Variants in DCAF8L2 observed in about 807,000 individuals in gnomAD.
The protein encoded by DCAF8L2 is DDB1- and CUL4-associated factor 8-like protein 2.
For missense variants in DCAF8L2, 430 were observed against 490.7 expected, an observed-to-expected ratio of 0.88 and a Z score of 1.17; for synonymous variants, 200 against 190.9, an observed-to-expected ratio of 1.05 and a Z score of -0.39.
At chrX:27,731,071 A>C (rs2147317672) in intron 4 of DCAF8L2, among the ~76,000 whole-genome samples, 1 of 110,976 alleles carries the variant, frequency 9.0e-6, no homozygotes, top group Non-Finnish European at 1.9e-5. Flanking sequence ...TAATAAAAAT[A>C]CTGTGGGCTG....
At chrX:27,629,360 T>C (rs1049470860) in intron 1 of DCAF8L2, among the ~76,000 whole-genome samples, 1 of 112,112 alleles carries the variant, frequency 8.9e-6, no homozygotes, top group Non-Finnish European at 1.9e-5. Flanking sequence ...TCAGTATTTC[T>C]TTTTAAGCTG....
At chrX:27,511,804 T>C in the DCAF8L2 span, among the ~76,000 whole-genome samples, 1 of 112,147 alleles carries the variant, frequency 8.9e-6, no homozygotes, top group Non-Finnish European at 1.9e-5. Flanking sequence ...TAAAAACTAT[T>C]TGCCAACTGT....
At chrX:27,611,182 C>T (rs1380783885) in intron 1 of DCAF8L2, among the ~76,000 whole-genome samples, 1 of 111,029 alleles carries the variant, frequency 9.0e-6, no homozygotes. Flanking sequence ...AGTACAGGTA[C>T]ACTACGGGGA....
rs758343080 is a variant in DCAF8L2 at position 27,659,497 on chromosome X, A to G, written c.-219-18339A>G. Among the ~76,000 whole-genome samples the G allele has an allele frequency of 3.6e-5, 4 of 111,762 alleles. No homozygotes were observed. The South Asian group carries it at 1.1e-3, about 32-fold the overall frequency. On this transcript the variant is annotated intron_variant, in intron 2 of 4. Coordinates refer to ENST00000451261, the MANE Select transcript of DCAF8L2 (RefSeq NM_001353450.2). The stretch of plus-strand genomic sequence containing the variant: ...CCTCCTATAGAATGGATTTTCACAT[A>G]TATGAGAGAGGGAAACTCGCTTATG...
At chrX:27,720,727 C>T (rs1046382538) in intron 4 of DCAF8L2, among the ~76,000 whole-genome samples, 18 of 111,652 alleles carry the variant, frequency 1.6e-4, no homozygotes, top group South Asian at 7.4e-4. Flanking sequence ...TTGACTAAGA[C>T]TCCATTAAAT....
Position 27,731,542 on chromosome X carries a change from C to A in DCAF8L2, c.-58-15296C>A, listed in dbSNP as rs193096774. Among the ~76,000 whole-genome samples, 6 of 111,508 alleles carry A rather than the reference C, an allele frequency of 5.4e-5. No homozygotes were observed. In the East Asian group the frequency reaches 1.7e-3, roughly 32 times the overall value. On this transcript the variant is annotated intron_variant, in intron 4 of 4. Coordinates refer to ENST00000451261, the MANE Select transcript of DCAF8L2 (RefSeq NM_001353450.2). ...TCTTCCTGAATATATCCTCATATGG[C>A]AGAAAGAGAGAAATATCCTTGGTCT...
At chrX:27,605,365 T>C (rs1432332786) in intron 1 of DCAF8L2, among the ~76,000 whole-genome samples, 1 of 111,696 alleles carries the variant, frequency 9.0e-6, no homozygotes, top group Non-Finnish European at 1.9e-5. Flanking sequence ...AGGCACTAAA[T>C]TGAAGAAACT....
At chrX:27,495,173 A>G in the DCAF8L2 span, among the ~76,000 whole-genome samples, 1 of 111,929 alleles carries the variant, frequency 8.9e-6, no homozygotes, top group Non-Finnish European at 1.9e-5. Flanking sequence ...TTAACATTCT[A>G]TATTGAATTG....
At chrX:27,587,472 G>C (rs1242969752), upstream of DCAF8L2, among the ~76,000 whole-genome samples, 1 of 111,230 alleles carries the variant, frequency 9.0e-6, no homozygotes, top group Non-Finnish European at 1.9e-5. Context: ...TGTATCTCTT[G>C]GTATTTTTCT....
chrX:27,557,585 G>A, the DCAF8L2 span, among the ~76,000 whole-genome samples: 1 of 111,480 alleles, frequency 9.0e-6, no homozygotes, highest in Non-Finnish European at 1.9e-5. Flanking sequence ...GGAAGAAATT[G>A]AATTGTGATG....
intron 1 of DCAF8L2, among the ~76,000 whole-genome samples, chrX:27,611,670 A>C (rs1426628784): frequency 9.3e-6 from 1 of 107,122 alleles, no homozygotes; most frequent in Non-Finnish European, 1.9e-5. Flanking sequence ...TTCAATTCTC[A>C]CCTGTGAGTG....
the DCAF8L2 span, among the ~76,000 whole-genome samples, chrX:27,548,946 T>C: frequency 0.028 from 3,127 of 111,624 alleles, 110 homozygotes; most frequent in African/African-American, 0.095. Flanking sequence ...TTGGAAGGTC[T>C]TGAAATTTTA....
At chrX:27,609,830 C>G (rs1194002258) in intron 1 of DCAF8L2, among the ~76,000 whole-genome samples, 3 of 111,821 alleles carry the variant, frequency 2.7e-5, no homozygotes, top group East Asian at 2.8e-4. Flanking sequence ...CACAGCTAAA[C>G]TTTAATTATG....
chrX:27,634,153 T>C (rs1179265448), intron 2 of DCAF8L2, among the ~76,000 whole-genome samples: 2 of 112,045 alleles, frequency 1.8e-5, no homozygotes, highest in Non-Finnish European at 3.8e-5. Context: ...GGTCCTTCAT[T>C]ATCTCTTAAC....
intron 1 of DCAF8L2, among the ~76,000 whole-genome samples, chrX:27,597,367 G>A (rs2147114722): frequency 9.0e-6 from 1 of 111,159 alleles, no homozygotes; most frequent in South Asian, 3.8e-4. Context: ...GATTTCTTTT[G>A]AGCATCGGTT....
intron 4 of DCAF8L2, among the ~76,000 whole-genome samples, chrX:27,729,221 A>G (rs1450813659): frequency 8.9e-6 from 1 of 111,811 alleles, no homozygotes; most frequent in Non-Finnish European, 1.9e-5. Flanking sequence ...GTGGGCATGA[A>G]GAAGACATGG....
chrX:27,579,144 C>T, the DCAF8L2 span, among the ~76,000 whole-genome samples: 1 of 111,827 alleles, frequency 8.9e-6, no homozygotes, highest in Admixed American at 9.5e-5. Flanking sequence ...ATAGCAAAGA[C>T]ATGAAATCAA....
At chrX:27,635,042 G>C (rs1161814523) in intron 2 of DCAF8L2, among the ~76,000 whole-genome samples, 1 of 110,501 alleles carries the variant, frequency 9.0e-6, no homozygotes, top group Non-Finnish European at 1.9e-5. Flanking sequence ...CCTGTTTCAT[G>C]GTAAGCATGC....
chrX:27,706,546 G>C (rs1291114378), intron 3 of DCAF8L2, among the ~76,000 whole-genome samples: 1 of 111,539 alleles, frequency 9.0e-6, no homozygotes, highest in Non-Finnish European at 1.9e-5. Flanking sequence ...AACATCATTA[G>C]TCATTAAGGA....
Sources: gnomAD v4.1 joint callset for allele counts (sites outside exome capture counted in the v4.1 genomes callset) on GRCh38, gnomAD v4.1.1 for gene constraint, MANE v1.5 for transcripts, NCBI Gene and HGNC (gene_info 2026-07-23, HGNC 2026-07-21) for gene names.